The following ELP4 variants were observed in gnomAD, a reference collection of about 807,000 sequenced individuals.
The protein encoded by ELP4 is elongator acetyltransferase complex subunit 4.
In ELP4, 51 loss-of-function variants were observed where a neutral mutation model predicts 48.9. The observed-to-expected ratio is 1.04, with a 90% CI of 0.83 to 1.32. The LOEUF is 1.32. ELP4 is among the 40% of genes most tolerant of loss of function. The pLI is 0.00. For synonymous variants in ELP4, 210 were observed against 189.2 expected (o/e 1.11, Z -0.90); for missense variants, 519 against 514.6 (o/e 1.01, Z -0.08).
intron 1 of ELP4, among the ~76,000 whole-genome samples, chr11:31,513,670 C>T (rs1956051940): frequency 6.6e-6 from 1 of 152,036 alleles, no homozygotes; most frequent in Non-Finnish European, 1.5e-5. Flanking sequence ...AAATGTATAG[C>T]TTAGTCAGAG....
intron 9 of ELP4, chr11:31,714,483 A>G (rs1946801758): frequency 2.5e-6 from 1 of 395,806 alleles, no homozygotes; most frequent in East Asian, 3.6e-5. Context: ...ATTGTTACTT[A>G]ACAGTTGTTT....
chr11:31,641,462 C>T (rs1047189327), intron 7 of ELP4, among the ~76,000 whole-genome samples: 1 of 151,776 alleles, frequency 6.6e-6, no homozygotes, highest in Non-Finnish European at 1.5e-5. Flanking sequence ...ACTTAAATTA[C>T]AAGATAAATA....
chr11:31,665,077 C>G (rs1945643150), intron 9 of ELP4, among the ~76,000 whole-genome samples: 2 of 152,106 alleles, frequency 1.3e-5, no homozygotes, highest in South Asian at 2.1e-4. Context: ...GACTGAGTCT[C>G]TGTTCATTTG....
chr11:31,710,939 A>G (rs1434941084), intron 9 of ELP4, among the ~76,000 whole-genome samples: 3 of 152,216 alleles, frequency 2.0e-5, no homozygotes, highest in Non-Finnish European at 4.4e-5. Flanking sequence ...GGAGGTAACT[A>G]TGAGCACGGA....
At chr11:31,745,754 A>G (rs1475097068) in intron 9 of ELP4, among the ~76,000 whole-genome samples, 1 of 152,238 alleles carries the variant, frequency 6.6e-6, no homozygotes, top group Non-Finnish European at 1.5e-5. Flanking sequence ...GATGGATTAA[A>G]GACTTAAATG....
chr11:31,532,808 G>A (rs1373692894), intron 2 of ELP4, among the ~76,000 whole-genome samples: 3 of 113,626 alleles, frequency 2.6e-5, no homozygotes, highest in Non-Finnish European at 5.0e-5. Flanking sequence ...TTTTGCTCTC[G>A]TTGCCCAGGC....
At position 31,584,977 on chromosome 11, in the gene ELP4, C is replaced by A. The variant is rs113705941; in HGVS notation, c.382-9793C>A. ...TATTTATTCCTCTACTCTTCACATTCAAATTTTTTCTAAAGTATATTTAAG... is the reference window on the plus strand; with the variant it reads ...TATTTATTCCTCTACTCTTCACATTAAAATTTTTTCTAAAGTATATTTAAG... On this transcript the variant is annotated intron_variant, in intron 3 of 9. Transcript: ENST00000640961. Among the ~76,000 whole-genome samples the A allele has an allele frequency of 4.0e-3, 603 of 152,198 alleles. 6 individuals carry two copies. Among genetic ancestry groups the A allele is most frequent in the African/African-American group, 0.014 (577 of 41,508 alleles).
intron 9 of ELP4, among the ~76,000 whole-genome samples, chr11:31,712,577 C>A (rs1354559493): frequency 6.6e-6 from 1 of 151,990 alleles, no homozygotes; most frequent in Non-Finnish European, 1.5e-5. Flanking sequence ...TGTTTAAATA[C>A]TTTAAATGTC....
chr11:31,739,602 A>G (rs1392638752), intron 9 of ELP4, among the ~76,000 whole-genome samples: 1 of 152,174 alleles, frequency 6.6e-6, no homozygotes, highest in Non-Finnish European at 1.5e-5. Context: ...ATAATGATTA[A>G]TTTACAGAAT....
At chr11:31,687,866 A>G (rs1946194517) in intron 9 of ELP4, among the ~76,000 whole-genome samples, 1 of 152,254 alleles carries the variant, frequency 6.6e-6, no homozygotes, top group Non-Finnish European at 1.5e-5. Flanking sequence ...GTTTAAAAGA[A>G]TCAGGGTTAC....
At chr11:31,574,451 A>G (rs529076513) in intron 3 of ELP4, among the ~76,000 whole-genome samples, 1 of 152,318 alleles carries the variant, frequency 6.6e-6, no homozygotes, top group South Asian at 2.1e-4. Flanking sequence ...CTCCCAGCAT[A>G]GAGTTTGAGA....
intron 5 of ELP4, among the ~76,000 whole-genome samples, chr11:31,604,237 G>A (rs976695774): frequency 3.3e-5 from 5 of 151,712 alleles, no homozygotes; most frequent in South Asian, 2.1e-4. Context: ...AATGCAAATA[G>A]ACACCTAATA....
intron 5 of ELP4, among the ~76,000 whole-genome samples, chr11:31,606,990 G>A (rs1957887518): frequency 6.6e-6 from 1 of 152,184 alleles, no homozygotes; most frequent in South Asian, 2.1e-4. Context: ...AGATTAGGTT[G>A]TGAGGGTGGG....
intron 9 of ELP4, among the ~76,000 whole-genome samples, chr11:31,671,795 A>G (rs556826992): frequency 2.6e-5 from 4 of 152,172 alleles, no homozygotes; most frequent in Non-Finnish European, 5.9e-5. Flanking sequence ...AAAATAAACA[A>G]CAAGACTTAT....
At chr11:31,566,125 A>G (rs1024701609) in intron 3 of ELP4, among the ~76,000 whole-genome samples, 1 of 152,140 alleles carries the variant, frequency 6.6e-6, no homozygotes, top group Non-Finnish European at 1.5e-5. Context: ...TGGATGATCA[A>G]GGCGGTTAGA....
intron 9 of ELP4, among the ~76,000 whole-genome samples, chr11:31,748,281 G>A (rs1327720752): frequency 4.3e-5 from 5 of 117,622 alleles, no homozygotes; most frequent in Admixed American, 3.1e-4. Flanking sequence ...ATCTCATTCT[G>A]TTGCCCAAGC....
intron 3 of ELP4, among the ~76,000 whole-genome samples, chr11:31,568,930 C>T (rs1277295062): frequency 6.6e-6 from 1 of 151,808 alleles, no homozygotes; most frequent in Non-Finnish European, 1.5e-5. Context: ...ACTGAAAATA[C>T]AAGAATTAGC....
chr11:31,634,042 C>T (rs1407821585), intron 7 of ELP4: 1 of 152,036 alleles, frequency 6.6e-6, no homozygotes. Flanking sequence ...TTTGCAAAGA[C>T]AACTATACTG....
intron 2 of ELP4, among the ~76,000 whole-genome samples, chr11:31,538,418 A>G (rs1332112034): frequency 6.7e-6 from 1 of 148,262 alleles, no homozygotes; most frequent in Non-Finnish European, 1.5e-5. Context: ...TTATATGATT[A>G]TAATATATAT....
Sources: gnomAD v4.1 joint callset for allele counts (sites outside exome capture counted in the v4.1 genomes callset) on GRCh38, gnomAD v4.1.1 for gene constraint, MANE v1.5 for transcripts, NCBI Gene and HGNC (gene_info 2026-07-23, HGNC 2026-07-21) for gene names.